Variants in WDR70 observed in about 807,000 individuals in gnomAD.
WDR70 encodes the protein WD repeat-containing protein 70.
A neutral mutation model predicts 88.6 loss-of-function variants in WDR70; 53 were observed. That is an observed-to-expected ratio of 0.60 (90% CI 0.48 to 0.75). The LOEUF is 0.75. Ranked by LOEUF, WDR70 falls within the 30% of genes least tolerant of loss-of-function variation. The pLI, the probability that WDR70 is intolerant of heterozygous loss-of-function variation, is 0.00. For missense variants in WDR70, 610 were observed against 823.2 expected (o/e 0.74, Z 3.17); for synonymous variants, 280 against 270.0 (o/e 1.04, Z -0.36).
chr5:37,452,369 G>C (rs542755250), intron 7 of WDR70, among the ~76,000 whole-genome samples: 4 of 151,762 alleles, frequency 2.6e-5, no homozygotes, highest in Non-Finnish European at 5.9e-5. Flanking sequence ...GGGTTCAAGC[G>C]ATTCTCCTGT....
chr5:37,667,844 GAAAAAAAAAAAAA>G (rs70978835), intron 10 of WDR70, among the ~76,000 whole-genome samples: 10 of 82,728 alleles, frequency 1.2e-4, no homozygotes, highest in African/African-American at 6.1e-4. Flanking sequence ...TGTACGATCT[GAAAAAAAAAAAAA>G]AAAAAAAAAA....
intron 10 of WDR70, among the ~76,000 whole-genome samples, chr5:37,685,617 C>T (rs570876512): frequency 5.3e-5 from 8 of 152,216 alleles, no homozygotes; most frequent in South Asian, 2.1e-4. Flanking sequence ...AAGTCTTCTA[C>T]GGAAGCAAGT....
chr5:37,636,369 G>C (rs759912019), intron 10 of WDR70, among the ~76,000 whole-genome samples: 1 of 152,178 alleles, frequency 6.6e-6, no homozygotes, highest in Non-Finnish European at 1.5e-5. Context: ...AAATCACCAT[G>C]AGGCAGATAC....
chr5:37,424,245 C>T (rs753538187), intron 5 of WDR70, among the ~76,000 whole-genome samples: 27 of 146,238 alleles, frequency 1.8e-4, no homozygotes, highest in Non-Finnish European at 3.6e-4. Context: ...AGTGTTCTTA[C>T]AGATGTCTCT....
rs945643883 is a variant in WDR70 at position 37,749,548 on chromosome 5, GT to G, written c.1878-2929del. Among the ~76,000 whole-genome samples the G allele has an allele frequency of 1.3e-4, 20 of 148,646 alleles. No individual in the cohort carries two copies. The East Asian group carries it at 1.6e-3, about 12-fold the overall frequency. On this transcript the variant is annotated intron_variant, in intron 17 of 17. Transcript: ENST00000265107. Reference sequence around the variant, plus strand: ...CCTGCACATTCTGCACATGTATCCTGTTTTTTTTTAAGAAGAAAAAAAATAT... The same window carrying G: ...CCTGCACATTCTGCACATGTATCCTGTTTTTTTTAAGAAGAAAAAAAATAT...
intron 12 of WDR70, among the ~76,000 whole-genome samples, 183 bp from the exon 13 acceptor site, chr5:37,702,766 A>G (rs1229567757): frequency 1.3e-5 from 2 of 152,220 alleles, no homozygotes; most frequent in Non-Finnish European, 2.9e-5. Context: ...CCTCATCAGT[A>G]AAATGTGGAT....
At chr5:37,634,966 C>A (rs1201085025) in intron 10 of WDR70, among the ~76,000 whole-genome samples, 1 of 151,844 alleles carries the variant, frequency 6.6e-6, no homozygotes, top group African/African-American at 2.4e-5. Flanking sequence ...TGTATCCATG[C>A]CTATTACCCT....
At chr5:37,474,920 TA>T (rs1472406017) in intron 7 of WDR70, among the ~76,000 whole-genome samples, 6 of 152,064 alleles carry the variant, frequency 3.9e-5, no homozygotes, top group South Asian at 2.1e-4. Flanking sequence ...TTATTATTTT[TA>T]TTATTTTTAT....
intron 6 of WDR70, among the ~76,000 whole-genome samples, chr5:37,439,384 T>G (rs1178588603): frequency 6.6e-6 from 1 of 152,176 alleles, no homozygotes; most frequent in Admixed American, 6.5e-5. Flanking sequence ...CTACTTTTTG[T>G]GTTTTTAAGT....
At chr5:37,421,546 A>G (rs1288483035) in intron 5 of WDR70, among the ~76,000 whole-genome samples, 3 of 152,222 alleles carry the variant, frequency 2.0e-5, no homozygotes, top group Admixed American at 1.3e-4. Context: ...CTGACTCACA[A>G]AAGTGGTGTT....
At chr5:37,657,623 A>T (rs1391909797) in intron 10 of WDR70, among the ~76,000 whole-genome samples, 2 of 152,178 alleles carry the variant, frequency 1.3e-5, no homozygotes, top group Non-Finnish European at 1.5e-5. Context: ...GATTATGAAA[A>T]AGGTTGAGAA....
chr5:37,541,843 A>G (rs1289507496), intron 9 of WDR70, among the ~76,000 whole-genome samples: 3 of 152,238 alleles, frequency 2.0e-5, no homozygotes, highest in African/African-American at 7.2e-5. Context: ...AAAAAAAATC[A>G]AATTGAATAT....
At chr5:37,381,484 A>G in intron 2 of WDR70, 118 bp from the exon 3 acceptor site, 1 of 771,900 alleles carries the variant, frequency 1.3e-6, no homozygotes, top group Non-Finnish European at 2.2e-6. Flanking sequence ...TATTATGGTT[A>G]TATTGGAGCC....
At chr5:37,394,426 C>T (rs2111895802) in intron 4 of WDR70, among the ~76,000 whole-genome samples, 1 of 152,252 alleles carries the variant, frequency 6.6e-6, no homozygotes, top group East Asian at 1.9e-4. Context: ...TGAGCATCTA[C>T]TGTGGATTAC....
intron 10 of WDR70, among the ~76,000 whole-genome samples, chr5:37,608,461 C>T (rs1744096884): frequency 6.6e-6 from 1 of 152,132 alleles, no homozygotes; most frequent in Admixed American, 6.6e-5. Context: ...AAATTGCAGC[C>T]TTCTCCCTGC....
At position 37,442,947 on chromosome 5, in the gene WDR70, C is replaced by A. The variant is rs1338359982; in HGVS notation, c.553-292C>A. Reference sequence around the variant, plus strand: ...TGTACACTAAAGCAACTTAGTTTATCTTATGGAATTGCAGTGATAGCTATT... The same window carrying A: ...TGTACACTAAAGCAACTTAGTTTATATTATGGAATTGCAGTGATAGCTATT... On this transcript the variant is annotated intron_variant, in intron 6 of 17. Coordinates refer to ENST00000265107, the MANE Select transcript of WDR70 (RefSeq NM_018034.4). Among the ~76,000 whole-genome samples the A allele has an allele frequency of 2.6e-5, 4 of 152,140 alleles. No individual in the cohort carries two copies. The South Asian group carries it at 8.3e-4, about 31-fold the overall frequency.
At chr5:37,426,120 T>C (rs1381099532) in intron 5 of WDR70, among the ~76,000 whole-genome samples, 5 of 151,952 alleles carry the variant, frequency 3.3e-5, no homozygotes, top group African/African-American at 1.2e-4. Flanking sequence ...GAGGGACAGA[T>C]AGAGAAGGAA....
rs1748688825 is a variant in WDR70 at position 37,388,237 on chromosome 5, C to CTA, written c.176-3763_176-3762insTA. Among the ~76,000 whole-genome samples, 12 of 151,812 alleles carry CTA rather than the reference C, an allele frequency of 7.9e-5. No individual in the cohort carries two copies. In the South Asian group the frequency reaches 2.3e-3, roughly 29 times the overall value. On this transcript the variant is annotated intron_variant, in intron 3 of 17. Transcript: ENST00000265107. ...CAGGTTCAAGGAATTCTTCCTCAGC[C>CTA]CCCTGAGTAGCTGGGATTACAGGTG...
At chr5:37,707,948 A>T (rs10035981) in intron 13 of WDR70, among the ~76,000 whole-genome samples, 58 of 33,684 alleles carry the variant, frequency 1.7e-3, no homozygotes, top group Non-Finnish European at 2.0e-3. Flanking sequence ...AAAAAAAAAA[A>T]ATATATATAT....
Sources: allele counts gnomAD v4.1 joint callset (sites outside exome capture counted in the v4.1 genomes callset), GRCh38; gene constraint gnomAD v4.1.1; transcripts MANE v1.5; gene names NCBI Gene and HGNC (gene_info 2026-07-23, HGNC 2026-07-21).